MAST4: variants seen among roughly 807,000 people sequenced by gnomAD.
The protein encoded by MAST4 is microtubule-associated serine/threonine-protein kinase 4.
MAST4 carries 89 observed loss-of-function variants against 162.7 expected under a neutral mutation model. The observed-to-expected ratio is 0.55, with a 90% CI of 0.46 to 0.65. The LOEUF (loss-of-function observed/expected upper bound fraction) is 0.65. MAST4 is among the 30% of genes least tolerant of loss of function. The pLI, the probability that MAST4 is intolerant of heterozygous loss-of-function variation, is 0.00. For missense variants in MAST4, 3,153 were observed against 3,374.0 expected (o/e 0.93, Z 1.62); for synonymous variants, 1,479 against 1,361.1 (o/e 1.09, Z -1.91).
intron 16 of MAST4, 83 bp downstream of exon 16, chr5:67,132,034 A>G: frequency 6.9e-7 from 1 of 1,438,898 alleles, no homozygotes. Context: ...CTTTTAGTCA[A>G]TGTACATTTT....
intron 5 of MAST4, among the ~76,000 whole-genome samples, chr5:67,075,469 C>G (rs553875045): frequency 2.0e-4 from 10 of 50,600 alleles, no homozygotes; most frequent in Admixed American, 5.4e-4. Flanking sequence ...AGCCACCACA[C>G]CTGGCTTTGG....
intron 2 of MAST4, among the ~76,000 whole-genome samples, chr5:66,771,084 T>C (rs530450450): frequency 2.0e-5 from 3 of 152,204 alleles, no homozygotes; most frequent in Non-Finnish European, 4.4e-5. Flanking sequence ...CTGGAATTCT[T>C]CAACATGCAC....
At chr5:66,923,899 G>A (rs1454248838) in intron 4 of MAST4, among the ~76,000 whole-genome samples, 1 of 152,198 alleles carries the variant, frequency 6.6e-6, no homozygotes, top group East Asian at 1.9e-4. Flanking sequence ...CAATTATTGG[G>A]AAATGGCATT....
intron 5 of MAST4, among the ~76,000 whole-genome samples, chr5:67,061,572 C>T (rs1249447105): frequency 6.6e-6 from 1 of 151,282 alleles, no homozygotes; most frequent in Non-Finnish European, 1.5e-5. Context: ...ATGTGTGGTC[C>T]AAACTGTCAG....
chr5:66,985,020 G>A (rs1749319091), intron 4 of MAST4, among the ~76,000 whole-genome samples: 1 of 152,208 alleles, frequency 6.6e-6, no homozygotes, highest in Admixed American at 6.5e-5. Context: ...TAGGAAAGTA[G>A]GTGGTGTACA....
intron 4 of MAST4, among the ~76,000 whole-genome samples, chr5:66,966,892 G>T (rs1445201826): frequency 6.6e-6 from 1 of 152,190 alleles, no homozygotes; most frequent in African/African-American, 2.4e-5. Context: ...AACAGAGTTG[G>T]TGAGGGAGGA....
intron 4 of MAST4, among the ~76,000 whole-genome samples, chr5:66,979,050 T>C (rs1052013345): frequency 6.6e-6 from 1 of 152,124 alleles, no homozygotes; most frequent in African/African-American, 2.4e-5. Flanking sequence ...TGCTGAAGGA[T>C]GGGAGGCTTT....
rs74912167 is a variant in MAST4, at chr5:66,737,569, G to A, written c.364-22140G>A. ...CAGCTGAGAGTCCCTCCTTGGCCTC[G>A]TATCTCTCCGTGTACTTTGATCCCT... On this transcript the variant is annotated intron_variant, in intron 1 of 28. Transcript: ENST00000403625. Among the ~76,000 whole-genome samples the A allele has an allele frequency of 1.0e-2, 1,521 of 152,192 alleles. 34 individuals are homozygous for A. The highest frequency in any genetic ancestry group is 0.034 in the African/African-American group (1,404 of 41,516).
chr5:67,100,046 G>A (rs891945402), intron 7 of MAST4, among the ~76,000 whole-genome samples: 2 of 151,974 alleles, frequency 1.3e-5, no homozygotes, highest in East Asian at 3.9e-4. Flanking sequence ...CTAAAAGTCC[G>A]CATTTGATTT....
At chr5:66,882,116 A>T (rs1460433350) in intron 3 of MAST4, among the ~76,000 whole-genome samples, 1 of 152,172 alleles carries the variant, frequency 6.6e-6, no homozygotes. Flanking sequence ...TGAGATTTTT[A>T]AATTTTATTT....
At chr5:66,620,116 T>A (rs1044149298) in intron 1 of MAST4, among the ~76,000 whole-genome samples, 13 of 151,616 alleles carry the variant, frequency 8.6e-5, no homozygotes, top group African/African-American at 3.1e-4. Flanking sequence ...TACCTGGTTA[T>A]TATAGTTCGC....
chr5:67,021,011 C>T (rs1753903966), intron 4 of MAST4, among the ~76,000 whole-genome samples: 1 of 152,196 alleles, frequency 6.6e-6, no homozygotes, highest in Admixed American at 6.5e-5. Flanking sequence ...ACTTTGCCAA[C>T]CTCTTACCTA....
intron 4 of MAST4, among the ~76,000 whole-genome samples, chr5:66,955,620 T>C (rs1394164089): frequency 6.6e-6 from 1 of 152,164 alleles, no homozygotes; most frequent in Non-Finnish European, 1.5e-5. Context: ...TTATATACTC[T>C]TACTCTCCCT....
chr5:66,652,895 C>T (rs1746318350), intron 1 of MAST4, among the ~76,000 whole-genome samples: 1 of 152,160 alleles, frequency 6.6e-6, no homozygotes, highest in Non-Finnish European at 1.5e-5. Flanking sequence ...CCACTAAGTA[C>T]CAACCTTGAA....
In MAST4 at chr5:67,166,971, T is replaced by G. The variant is rs1020596841; in HGVS notation, c.7792T>G (p.Ser2598Ala). The G allele has an allele frequency of 6.2e-7, 1 of 1,612,472 alleles. No homozygotes were observed. The highest frequency in any genetic ancestry group is 1.3e-5 in the African/African-American group (1 of 74,944). The change falls in exon 29 of 29, where the codon TCT (serine) becomes GCT (alanine). Residue 2598 changes from serine to alanine, a missense_variant. Physicochemically the swap from Ser to Ala is moderately conservative, Grantham distance 99. This residue lies in a region of MAST4 where 1,644 missense variants were observed against 1,495.0 expected (regional missense o/e 1.10). Transcript: ENST00000403625. Reference sequence around the variant, plus strand: ...AAACACTGACCGCCCCATCTCTCTTTCTAATGAGAAGGACTTTGTGGTACG... The same window carrying G: ...AAACACTGACCGCCCCATCTCTCTTGCTAATGAGAAGGACTTTGTGGTACG... ...APNTDRPISL[S>A]NEKDFVVRQR...
chr5:66,647,589 A>G (rs1745925709), intron 1 of MAST4, among the ~76,000 whole-genome samples: 1 of 152,210 alleles, frequency 6.6e-6, no homozygotes, highest in Admixed American at 6.5e-5. Context: ...AAAATGTCCT[A>G]AATAATCTAA....
intron 7 of MAST4, among the ~76,000 whole-genome samples, chr5:67,096,899 T>TAA (rs1221043976): frequency 6.6e-6 from 1 of 152,182 alleles, no homozygotes; most frequent in Non-Finnish European, 1.5e-5. Flanking sequence ...TCAGCATCAG[T>TAA]AAAAGATGCT....
At chr5:66,854,566 G>A (rs771911099) in intron 3 of MAST4, among the ~76,000 whole-genome samples, 11 of 152,024 alleles carry the variant, frequency 7.2e-5, no homozygotes, top group Non-Finnish European at 1.6e-4. Context: ...CTCATAGGAC[G>A]GCTCATAGCA....
chr5:67,104,647 A>C lies in MAST4; in HGVS notation c.1356+72A>C, dbSNP rs1292397109. On this transcript the variant is annotated intron_variant, in intron 10 of 28. Coordinates refer to ENST00000403625, the MANE Select transcript of MAST4 (RefSeq NM_001164664.2). ...CTGAAAAAAATTTTTTTTTGCTTAC[A>C]AGTTATAACCATGAAATGGAGTTCA... 6 of 1,226,490 alleles carry C rather than the reference A, an allele frequency of 4.9e-6. No individual in the cohort carries two copies. The Admixed American group carries it at 1.1e-4, about 22-fold the overall frequency. The allele number at this position is 1,226,490 out of a possible 1,614,324, so 76.0% of individuals were successfully genotyped here. A position where few individuals can be genotyped will look rare whatever the true frequency, so the allele number is the denominator to read the frequency against.
Sources: gnomAD v4.1 joint callset for allele counts (sites outside exome capture counted in the v4.1 genomes callset) on GRCh38, gnomAD v4.1.1 for gene constraint, gnomAD v4.1.1 regional missense constraint, MANE v1.5 for transcripts, NCBI Gene and HGNC (gene_info 2026-07-23, HGNC 2026-07-21) for gene names.